MFN1: variants seen among roughly 807,000 people sequenced by gnomAD.
MFN1 encodes mitofusin 1.
MFN1 carries 65 observed loss-of-function variants against 92.4 expected under a neutral mutation model. The observed-to-expected ratio is 0.70, with a 90% confidence interval of 0.58 to 0.86. The LOEUF is 0.86. Ranked by LOEUF, MFN1 falls within the 40% of genes least tolerant of loss-of-function variation. The pLI is 0.00. For synonymous variants in MFN1, 297 were observed against 300.9 expected (o/e 0.99, Z 0.13); for missense variants, 781 against 868.0 (o/e 0.90, Z 1.26).
intron 17 of MFN1, among the ~76,000 whole-genome samples, chr3:179,391,327 T>A (rs1157312355): frequency 1.3e-5 from 2 of 152,164 alleles, no homozygotes; most frequent in African/African-American, 2.4e-5. Context: ...ATTTTTGGTC[T>A]GCTAATCATT....
At chr3:179,353,139 C>T (rs1384672715) in intron 3 of MFN1, among the ~76,000 whole-genome samples, 4 of 150,814 alleles carry the variant, frequency 2.7e-5, no homozygotes, top group Non-Finnish European at 4.4e-5. Context: ...CTGCAACCTC[C>T]GCCTCCCGGG....
chr3:179,371,255 C>T (rs1393281298), intron 9 of MFN1, among the ~76,000 whole-genome samples: 1 of 151,962 alleles, frequency 6.6e-6, no homozygotes, highest in Non-Finnish European at 1.5e-5. Context: ...GCCAGTAATG[C>T]CAGTACTTTG....
In MFN1 at chr3:179,386,479, T is replaced by C. The variant is rs751468599; in HGVS notation, c.1862T>C (p.Met621Thr). ...AAACTCCTATCTGTTTCATTAACTATGTATGGAGCTTTGTATCTTTATGAA... is the reference window on the plus strand; with the variant it reads ...AAACTCCTATCTGTTTCATTAACTACGTATGGAGCTTTGTATCTTTATGAA... Reference protein sequence around the residue: ...GWKLLSVSLTMYGALYLYERL... With the variant: ...GWKLLSVSLTTYGALYLYERL... Residue 621 changes from methionine (M) to threonine (T), a missense_variant, in exon 16 of 18, where the codon ATG becomes ACG. Met to Thr is a moderately conservative substitution (Grantham distance 81). Transcript: ENST00000471841. The C allele has an allele frequency of 1.2e-6, 2 of 1,613,776 alleles. No individual in the cohort carries two copies. The highest frequency in any genetic ancestry group is 1.7e-6 in the Non-Finnish European group (2 of 1,179,832).
intron 2 of MFN1, 29 bp from the exon 3 acceptor site, chr3:179,351,871 A>C: frequency 6.3e-7 from 1 of 1,579,642 alleles, no homozygotes; most frequent in Non-Finnish European, 8.6e-7. Context: ...CATTTATATC[A>C]CTTTTCTAAT....
chr3:179,387,584 CTTTTTTTTTTTT>C (rs769878779), intron 16 of MFN1, among the ~76,000 whole-genome samples: 255 of 82,302 alleles, frequency 3.1e-3, no homozygotes, highest in African/African-American at 0.012. Flanking sequence ...TTTGTGGTTT[CTTTTTTTTTTTT>C]TTTTTTTTTT....
In MFN1 at chr3:179,367,547, G is replaced by A. The variant is rs1022252640; in HGVS notation, c.862G>A (p.Val288Ile). The A allele has an allele frequency of 1.9e-6, 3 of 1,613,534 alleles. No individual in the cohort carries two copies. Among genetic ancestry groups the A allele is most frequent in the Non-Finnish European group, 2.5e-6 (3 of 1,179,852 alleles). Residue 288 changes from valine to isoleucine, a missense_variant, in exon 8 of 18, where the codon GTT becomes ATT. By Grantham distance (29) the Val-to-Ile change is conservative. Transcript: ENST00000471841. The stretch of plus-strand genomic sequence containing the variant: ...TATCTTCTTTGTTTCAGCAAAGGAA[G>A]TTCTTAGTGCTAGAAAGCAAAAAGC... ...NRIFFVSAKEVLSARKQKAQG... is the reference protein window; with the variant it reads ...NRIFFVSAKEILSARKQKAQG...
intron 16 of MFN1, among the ~76,000 whole-genome samples, chr3:179,388,287 G>A (rs1248479215): frequency 1.3e-5 from 2 of 152,198 alleles, no homozygotes; most frequent in African/African-American, 4.8e-5. Flanking sequence ...TTTAACAAAT[G>A]AACTTAATGG....
intron 9 of MFN1, 31 bp downstream of exon 9, chr3:179,368,134 C>G: frequency 6.8e-7 from 1 of 1,473,552 alleles, no homozygotes; most frequent in Non-Finnish European, 9.1e-7. Flanking sequence ...TTGCCTAATA[C>G]AAAACTCTTT....
At chr3:179,387,359 A>G (rs1175221214) in intron 16 of MFN1, among the ~76,000 whole-genome samples, 2 of 152,048 alleles carry the variant, frequency 1.3e-5, no homozygotes, top group Non-Finnish European at 2.9e-5. Flanking sequence ...CAGCCTGGCC[A>G]ACATGGTGAA....
At chr3:179,367,081 C>T (rs1290579257) in intron 7 of MFN1, among the ~76,000 whole-genome samples, 1 of 152,220 alleles carries the variant, frequency 6.6e-6, no homozygotes, top group African/African-American at 2.4e-5. Context: ...GCACCTGCCA[C>T]CACACCCAGC....
At chr3:179,379,322 G>T (rs1251881824) in intron 14 of MFN1, among the ~76,000 whole-genome samples, 2 of 152,074 alleles carry the variant, frequency 1.3e-5, no homozygotes, top group Non-Finnish European at 2.9e-5. Context: ...CTTTTCTCTG[G>T]TGTAAAGATA....
Position 179,364,335 on chromosome 3 carries a change from T to A in MFN1, c.575T>A (p.Ile192Asn). The change falls in exon 6 of 18, where the codon ATT (isoleucine) becomes AAT (asparagine). Residue 192 changes from isoleucine to asparagine, a missense_variant. Transcript: ENST00000471841. ...GTCACTACAGAGCTGGATAGCTGGA[T>A]TGATAAGTTTTGCCTAGATGCTGAT... ...TDVTTELDSW[I>N]DKFCLDADVF... 6.2e-7 allele frequency: 1 copy of A among 1,613,904 alleles called. No individual in the cohort carries two copies. Among genetic ancestry groups the A allele is most frequent in the Non-Finnish European group, 8.5e-7 (1 of 1,179,890 alleles).
At chr3:179,382,293 T>A (rs948101288) in intron 14 of MFN1, among the ~76,000 whole-genome samples, 2 of 152,146 alleles carry the variant, frequency 1.3e-5, no homozygotes, top group Non-Finnish European at 2.9e-5. Flanking sequence ...CATTGTTCAA[T>A]TCCCACCTAT....
chr3:179,372,140 GGAGA>G, intron 9 of MFN1, among the ~76,000 whole-genome samples: 1 of 147,792 alleles, frequency 6.8e-6, no homozygotes, highest in Admixed American at 6.8e-5. Context: ...CCCTCACACA[GGAGA>G]GAGAGTATCG....
At chr3:179,390,524 T>C (rs890019280) in intron 17 of MFN1, among the ~76,000 whole-genome samples, 1 of 152,218 alleles carries the variant, frequency 6.6e-6, no homozygotes, top group Non-Finnish European at 1.5e-5. Context: ...TGGGGGACTA[T>C]TGATTATGTA....
At chr3:179,352,764 C>T (rs9758791) in intron 3 of MFN1, among the ~76,000 whole-genome samples, 17 of 139,472 alleles carry the variant, frequency 1.2e-4, no homozygotes, top group African/African-American at 4.6e-4. Context: ...TTTTTTTTTT[C>T]CCCCTGAGAG....
intron 14 of MFN1, among the ~76,000 whole-genome samples, chr3:179,381,748 A>C (rs1713474761): frequency 6.6e-6 from 1 of 152,260 alleles, no homozygotes. Flanking sequence ...ATATTGGATA[A>C]AATTACCTTC....
chr3:179,392,460 A>C lies in MFN1; in HGVS notation c.*401A>C, dbSNP rs1330623561. 6.4e-6 allele frequency: 1 copy of C among 155,432 alleles called. No individual in the cohort carries two copies. The highest frequency in any genetic ancestry group is 2.4e-5 in the African/African-American group (1 of 41,604). The allele number at this position is 155,432 out of a possible 1,614,324, so 9.6% of individuals were successfully genotyped here. A position where few individuals can be genotyped will look rare whatever the true frequency, so the allele number is the denominator to read the frequency against. On this transcript the variant is annotated 3_prime_UTR_variant, in exon 18 of 18. Transcript: ENST00000471841. ...GATGCTTTCTTTCATGGGAATAGTC[A>C]CTTTTTTATTTAGTAAATCGCATTG...
intron 3 of MFN1, among the ~76,000 whole-genome samples, chr3:179,353,505 G>C (rs1037301191): frequency 3.3e-5 from 5 of 152,172 alleles, no homozygotes; most frequent in Non-Finnish European, 5.9e-5. Context: ...ACTGTACCTG[G>C]CTAATTTAGA....
Sources: allele counts gnomAD v4.1 joint callset (sites outside exome capture counted in the v4.1 genomes callset), GRCh38; gene constraint gnomAD v4.1.1; transcripts MANE v1.5; gene names NCBI Gene and HGNC (gene_info 2026-07-23, HGNC 2026-07-21).